SHROOM2: variants seen among roughly 807,000 people sequenced by gnomAD.
The protein encoded by SHROOM2 is shroom family member 2, also known as protein Shroom2.
SHROOM2 carries 33 observed loss-of-function variants against 75.9 expected under a neutral mutation model. That is an observed-to-expected ratio of 0.43 (90% confidence interval 0.33 to 0.58). The LOEUF (loss-of-function observed/expected upper bound fraction) is 0.58, where lower values mean the gene tolerates loss of function less well. Ranked by LOEUF, SHROOM2 falls within the 20% of genes least tolerant of loss-of-function variation. SHROOM2 has a pLI of 0.04. For synonymous variants in SHROOM2, 655 were observed against 663.6 expected, an observed-to-expected ratio of 0.99 and a Z score of 0.20; for missense variants, 1,434 against 1,461.2, an observed-to-expected ratio of 0.98 and a Z score of 0.30.
chrX:9,806,429 GATTA>G (rs1339102631), intron 1 of SHROOM2, among the ~76,000 whole-genome samples: 2 of 108,677 alleles, frequency 1.8e-5, no homozygotes, highest in East Asian at 5.7e-4. Context: ...AAGTTAAACA[GATTA>G]ATTGAAATAC....
chrX:9,894,981 G>C lies in SHROOM2; in HGVS notation c.1073G>C (p.Arg358Pro), dbSNP rs764492293. The change falls in exon 4 of 10, where the codon CGT becomes CCT. Residue 358 changes from arginine to proline, a missense_variant. Around this residue, in one of 3 missense-constraint regions of SHROOM2, gnomAD observed 1,340 missense variants for 1,338.3 expected, o/e 1.00. Transcript: ENST00000380913. ...ACGGCCCTGGCCCAGGCTCAGCCTCGTGGTGACCGGAGACCAGAGCTCACC... is the reference window on the plus strand; with the variant it reads ...ACGGCCCTGGCCCAGGCTCAGCCTCCTGGTGACCGGAGACCAGAGCTCACC... ...HFTALAQAQP[R>P]GDRRPELTDR... The C allele has an allele frequency of 4.1e-6, 5 of 1,210,368 alleles. No homozygotes were observed. Among genetic ancestry groups the C allele is most frequent in the South Asian group, 3.5e-5 (2 of 56,822 alleles).
chrX:9,836,629 A>G (rs773476316), intron 1 of SHROOM2, among the ~76,000 whole-genome samples: 7 of 106,508 alleles, frequency 6.6e-5, no homozygotes, highest in South Asian at 4.1e-4. Flanking sequence ...GTCTCACTAT[A>G]TTGACCACAC....
intron 5 of SHROOM2, among the ~76,000 whole-genome samples, chrX:9,917,409 A>G (rs1047216129): frequency 1.8e-5 from 2 of 112,591 alleles, no homozygotes; most frequent in Admixed American, 1.9e-4. Context: ...TAGGGTATAC[A>G]TAGATCAAAG....
chrX:9,919,230 G>C (rs1203860333), intron 5 of SHROOM2, among the ~76,000 whole-genome samples: 1 of 108,725 alleles, frequency 9.2e-6, no homozygotes, highest in Non-Finnish European at 1.9e-5. Context: ...TGCAGTCTAG[G>C]AATCAACAGG....
chrX:9,807,975 A>G (rs1162191505), intron 1 of SHROOM2, among the ~76,000 whole-genome samples: 1 of 111,864 alleles, frequency 8.9e-6, no homozygotes, highest in Non-Finnish European at 1.9e-5. Context: ...TGCCAGGCAC[A>G]CCTGAGCACA....
chrX:9,936,407 T>A (rs1319427613), intron 6 of SHROOM2, among the ~76,000 whole-genome samples: 3 of 111,441 alleles, frequency 2.7e-5, no homozygotes. Context: ...CCACCACATC[T>A]GGCTGACACT....
At chrX:9,808,080 A>T (rs1758096484) in intron 1 of SHROOM2, among the ~76,000 whole-genome samples, 1 of 110,990 alleles carries the variant, frequency 9.0e-6, no homozygotes, top group African/African-American at 3.3e-5. Flanking sequence ...TTCCTCCCAG[A>T]CTTTGCCCCG....
Position 9,944,885 on chromosome X carries a change from T to G in SHROOM2, c.4556T>G (p.Leu1519Trp), listed in dbSNP as rs1213036527. 8.3e-7 allele frequency: 1 copy of G among 1,205,548 alleles called. No homozygotes were observed. Among genetic ancestry groups the G allele is most frequent in the Admixed American group, 2.2e-5 (1 of 45,301 alleles). ...CGGGTGGAGAATGCCCTCAATAATTTGGACGACGGCGCTTCTCCCGGTGAT... is the reference window on the plus strand; with the variant it reads ...CGGGTGGAGAATGCCCTCAATAATTGGGACGACGGCGCTTCTCCCGGTGAT... ...LARVENALNN[L>W]DDGASPGDRQ... The change falls in exon 9 of 10, where the codon TTG becomes TGG. Residue 1519 changes from leucine to tryptophan, a missense_variant. Leu to Trp is a moderately conservative substitution (Grantham distance 61). This residue lies in a region of SHROOM2 where 14 missense variants were observed against 34.5 expected (regional missense o/e 0.41). Coordinates refer to ENST00000380913, the MANE Select transcript of SHROOM2 (RefSeq NM_001649.4).
intron 5 of SHROOM2, among the ~76,000 whole-genome samples, chrX:9,918,967 G>T (rs1011024153): frequency 1.4e-4 from 16 of 112,036 alleles, no homozygotes; most frequent in Non-Finnish European, 2.4e-4. Flanking sequence ...TGGCTGAGGA[G>T]CATGGGATTC....
intron 1 of SHROOM2, among the ~76,000 whole-genome samples, chrX:9,809,787 G>A (rs1488900186): frequency 8.9e-6 from 1 of 112,203 alleles, no homozygotes; most frequent in Non-Finnish European, 1.9e-5. Context: ...TCCTGCCTCA[G>A]CCTCCCGAGT....
At chrX:9,838,141 A>T (rs2083958341) in intron 1 of SHROOM2, among the ~76,000 whole-genome samples, 1 of 103,991 alleles carries the variant, frequency 9.6e-6, no homozygotes, top group South Asian at 4.6e-4. Flanking sequence ...GCTCACTGCA[A>T]GCTCCGTCTC....
At chrX:9,893,458 G>A (rs1296546996) in intron 3 of SHROOM2, among the ~76,000 whole-genome samples, 1 of 111,430 alleles carries the variant, frequency 9.0e-6, no homozygotes, top group African/African-American at 3.3e-5. Context: ...AATGCTTTTG[G>A]CTTTGCAGGC....
chrX:9,804,636 G>A (rs1468721519), intron 1 of SHROOM2, among the ~76,000 whole-genome samples: 1 of 111,418 alleles, frequency 9.0e-6, no homozygotes, highest in Non-Finnish European at 1.9e-5. Context: ...GAAGGTCAGA[G>A]GAGCGGCATC....
chrX:9,905,455 C>T (rs2084386605), intron 5 of SHROOM2, among the ~76,000 whole-genome samples: 1 of 113,092 alleles, frequency 8.8e-6, no homozygotes, highest in Non-Finnish European at 1.9e-5. Context: ...CCCACCGGGC[C>T]AGCTGAGCAA....
chrX:9,856,930 C>T (rs991352167), intron 1 of SHROOM2, among the ~76,000 whole-genome samples: 2 of 112,390 alleles, frequency 1.8e-5, no homozygotes, highest in African/African-American at 6.5e-5. Flanking sequence ...CAAGGGGGCA[C>T]GAGGCTGCTC....
chrX:9,873,888 C>T, intron 2 of SHROOM2, 85 bp downstream of exon 2: 1 of 1,012,321 alleles, frequency 9.9e-7, no homozygotes, highest in Non-Finnish European at 1.4e-6. Flanking sequence ...GTCCTGCCCA[C>T]ATCACTACAG....
chrX:9,808,192 CTTTA>C (rs2083766757), intron 1 of SHROOM2, among the ~76,000 whole-genome samples: 2 of 110,954 alleles, frequency 1.8e-5, no homozygotes, highest in African/African-American at 6.6e-5. Context: ...CTGGGAGTTC[CTTTA>C]CTTGGGGGTG....
intron 1 of SHROOM2, among the ~76,000 whole-genome samples, chrX:9,835,721 C>G (rs748340891): frequency 9.6e-6 from 1 of 104,249 alleles, no homozygotes; most frequent in East Asian, 2.9e-4. Context: ...CACTGGCTCT[C>G]TTCATGTTTT....
Position 9,948,348 on chromosome X carries a change from T to G in SHROOM2, c.*1411T>G, listed in dbSNP as rs2084840868. The G allele has an allele frequency of 1.8e-5, 2 of 113,015 alleles. No individual in the cohort carries two copies. Among genetic ancestry groups the G allele is most frequent in the African/African-American group, 6.4e-5 (2 of 31,149 alleles). The allele number at this position is 113,015 out of a possible 1,213,427, so 9.3% of individuals were successfully genotyped here. ...TTCAAAAAATGTTTAATTAAATGCA[T>G]GTTAATGGTGAGTGAATCCCTTGGG... On this transcript the variant is annotated 3_prime_UTR_variant, in exon 10 of 10. Transcript: ENST00000380913.
Sources: gnomAD v4.1 joint callset for allele counts (sites outside exome capture counted in the v4.1 genomes callset) on GRCh38, gnomAD v4.1.1 for gene constraint, gnomAD v4.1.1 regional missense constraint, MANE v1.5 for transcripts, NCBI Gene and HGNC (gene_info 2026-07-23, HGNC 2026-07-21) for gene names.